The following KIR2DL3 variants were observed in gnomAD, a reference collection of about 807,000 sequenced individuals.
KIR2DL3 encodes the protein killer cell immunoglobulin like receptor, two Ig domains and long cytoplasmic tail 3.
A neutral mutation model predicts 33.8 loss-of-function variants in KIR2DL3; 39 were observed. The ratio of observed to expected loss-of-function variants is 1.15; its 90% CI spans 0.89 to 1.51. KIR2DL3 has a LOEUF of 1.51. KIR2DL3 is among the 40% of genes most tolerant of loss of function. The probability of loss-of-function intolerance (pLI) is 0.00; values close to 1 mark genes in which losing one functional copy is unlikely to be tolerated. For missense variants in KIR2DL3, 462 were observed against 426.2 expected (o/e 1.08, Z -0.74); for synonymous variants, 174 against 160.2 (o/e 1.09, Z -0.65).
chr19:54,744,865 T>C (rs1450751476), intron 4 of KIR2DL3, among the ~76,000 whole-genome samples: 16 of 119,048 alleles, frequency 1.3e-4, no homozygotes, highest in Non-Finnish European at 2.3e-4. Context: ...TGGTCATAAA[T>C]ACATTTATAT....
intron 1 of KIR2DL3, 121 bp downstream of exon 1, chr19:54,738,700 G>T (rs1431839012): frequency 2.5e-6 from 2 of 809,364 alleles, no homozygotes; most frequent in African/African-American, 4.8e-5. Flanking sequence ...GCCTAGAAGT[G>T]GAGATCTGGG....
At chr19:54,746,678 C>T (rs1183383688) in intron 4 of KIR2DL3, among the ~76,000 whole-genome samples, 21 of 148,822 alleles carry the variant, frequency 1.4e-4, no homozygotes, top group East Asian at 5.9e-4. Context: ...GTTCTTGGCA[C>T]CTTTGTCAAA....
chr19:54,752,471 C>G lies in KIR2DL3; in HGVS notation c.978C>G (p.Pro326=). The change falls in exon 8 of 8, where the codon CCC becomes CCG. Residue 326 remains proline (P), a synonymous_variant. Coordinates refer to ENST00000342376, the MANE Select transcript of KIR2DL3 (RefSeq NM_015868.3). ...GCCCTTCTCAGAGGCCCAAGACACC[C>G]CCAACAGATATCATCGTGTACACGG... ...ITRPSQRPKT[P]PTDIIVYTEL... 6.8e-7 allele frequency: 1 copy of G among 1,464,580 alleles called. No individual in the cohort carries two copies. The highest frequency in any genetic ancestry group is 1.5e-5 in the African/African-American group (1 of 64,554). 90.7% of individuals were successfully genotyped at this position (1,464,580 alleles called of 1,614,324 possible). A position where few individuals can be genotyped will look rare whatever the true frequency, so the allele number is the denominator to read the frequency against.
At position 54,745,511 on chromosome 19, in the gene KIR2DL3, C is replaced by T. The variant is rs1435117798; in HGVS notation, c.664+1423C>T. Among the ~76,000 whole-genome samples, 9 of 151,850 alleles carry T rather than the reference C, an allele frequency of 5.9e-5. No individual in the cohort carries two copies. The East Asian group carries it at 1.4e-3, about 23-fold the overall frequency. Reference sequence around the variant, plus strand: ...CCTAGTAGCTGGGATTACAGGTGCACGCCACCATGCCTGGCTACTTTTTGT... The same window carrying T: ...CCTAGTAGCTGGGATTACAGGTGCATGCCACCATGCCTGGCTACTTTTTGT... On this transcript the variant is annotated intron_variant, in intron 4 of 7. Coordinates refer to ENST00000342376, the MANE Select transcript of KIR2DL3 (RefSeq NM_015868.3).
rs762966104 is a variant in KIR2DL3 at position 54,738,536 on chromosome 19, A to G, written c.-10A>G. ...CTGGGGCGCGGCCGCCTGTCTGCAC[A>G]GACAGCACCATGTCGCTCATGGTCG... On this transcript the variant is annotated 5_prime_UTR_variant, in exon 1 of 8. Coordinates refer to ENST00000342376, the MANE Select transcript of KIR2DL3 (RefSeq NM_015868.3). 11 of 1,608,726 alleles carry G rather than the reference A, an allele frequency of 6.8e-6. No individual in the cohort carries two copies. In the East Asian group the frequency reaches 1.1e-4, roughly 16 times the overall value.
intron 4 of KIR2DL3, among the ~76,000 whole-genome samples, chr19:54,744,897 T>TATAC (rs1555906428): frequency 3.3e-4 from 19 of 57,472 alleles, no homozygotes; most frequent in East Asian, 2.1e-3. Context: ...TATATATATA[T>TATAC]ACACACACAC....
At chr19:54,744,897 TACACACACACAC>T (rs1190927916) in intron 4 of KIR2DL3, among the ~76,000 whole-genome samples, 1 of 57,490 alleles carries the variant, frequency 1.7e-5, no homozygotes, top group Non-Finnish European at 3.5e-5. Flanking sequence ...TATATATATA[TACACACACACAC>T]ACATATATAA....
intron 2 of KIR2DL3, among the ~76,000 whole-genome samples, chr19:54,741,484 C>T (rs1478837906): frequency 6.6e-6 from 1 of 151,856 alleles, no homozygotes; most frequent in Admixed American, 6.6e-5. Flanking sequence ...CAGGAGCCAG[C>T]CTATGGAAGC....
In KIR2DL3 at chr19:54,747,347, A is replaced by G. The variant is rs796832023; in HGVS notation, c.677A>G (p.Asn226Ser). Residue 226 changes from asparagine (N) to serine (S), a missense_variant, in exon 5 of 8, where the codon AAT (asparagine) becomes AGT (serine). Transcript: ENST00000342376. ...LLVSVTGNPS[N>S]SWPSPTEPSS... Reference sequence around the variant, plus strand: ...TCTCGTGTTCTAGGAAACCCTTCAAATAGTTGGCCTTCACCCACTGAACCA... The same window carrying G: ...TCTCGTGTTCTAGGAAACCCTTCAAGTAGTTGGCCTTCACCCACTGAACCA... 6.2e-6 allele frequency: 10 copies of G among 1,611,842 alleles called. No individual in the cohort carries two copies. Among genetic ancestry groups the G allele is most frequent in the Non-Finnish European group, 7.6e-6 (9 of 1,178,566 alleles).
intron 1 of KIR2DL3, among the ~76,000 whole-genome samples, chr19:54,739,304 T>C (rs575263313): frequency 6.6e-6 from 1 of 151,002 alleles, no homozygotes; most frequent in East Asian, 2.0e-4. Context: ...AGTGGAGATA[T>C]GGGCTTGGGG....
intron 4 of KIR2DL3, among the ~76,000 whole-genome samples, chr19:54,746,239 A>G (rs2072466981): frequency 7.5e-6 from 1 of 132,900 alleles, no homozygotes; most frequent in African/African-American, 2.8e-5. Flanking sequence ...TCCTTTTTCA[A>G]TTAAATCGTT....
intron 5 of KIR2DL3, among the ~76,000 whole-genome samples, chr19:54,748,276 A>C (rs2072876482): frequency 6.6e-6 from 1 of 151,702 alleles, no homozygotes; most frequent in African/African-American, 2.4e-5. Flanking sequence ...TGGGGATTCT[A>C]TTGGGTTCAC....
intron 2 of KIR2DL3, among the ~76,000 whole-genome samples, chr19:54,741,142 A>G (rs1294125490): frequency 6.6e-6 from 1 of 151,390 alleles, no homozygotes; most frequent in East Asian, 1.9e-4. Flanking sequence ...GCAACAGGAA[A>G]CCAACACTGG....
intron 5 of KIR2DL3, 146 bp downstream of exon 5, chr19:54,747,531 A>G (rs2072739294): frequency 8.9e-7 from 1 of 1,119,912 alleles, no homozygotes; most frequent in East Asian, 2.4e-5. Context: ...CAACAGCGAA[A>G]GGGATCTGGG....
At position 54,751,668 on chromosome 19, in the gene KIR2DL3, T is replaced by G; in HGVS notation, c.735T>G (p.His245Gln). The G allele has an allele frequency of 6.8e-7, 1 of 1,460,390 alleles. No individual in the cohort carries two copies. The highest frequency in any genetic ancestry group is 1.3e-5 in the South Asian group (1 of 77,736). The allele number at this position is 1,460,390 out of a possible 1,614,324, so 90.5% of individuals were successfully genotyped here. A position where few individuals can be genotyped will look rare whatever the true frequency, so the allele number is the denominator to read the frequency against. The change falls in exon 6 of 8, where the codon CAT (histidine) becomes CAG (glutamine). Residue 245 changes from histidine (H) to glutamine (Q), a missense_variant. Physicochemically the swap from His to Gln is conservative, Grantham distance 24. Coordinates refer to ENST00000342376, the MANE Select transcript of KIR2DL3 (RefSeq NM_015868.3). ...SSETGNPRHL[H>Q]VLIGTSVVII... ...TTCCAGGTAACCCCAGACACCTGCA[T>G]GTTCTGATTGGGACCTCAGTGGTCA...
chr19:54,749,277 C>T (rs1168812226), intron 5 of KIR2DL3, among the ~76,000 whole-genome samples: 1 of 149,018 alleles, frequency 6.7e-6, no homozygotes, highest in Non-Finnish European at 1.5e-5. Flanking sequence ...CCAGGAATCC[C>T]TACATGATTA....
intron 2 of KIR2DL3, among the ~76,000 whole-genome samples, 159 bp downstream of exon 2, chr19:54,739,701 C>G (rs576365666): frequency 2.0e-5 from 3 of 149,782 alleles, no homozygotes; most frequent in African/African-American, 7.5e-5. Context: ...GGCCTCTCAA[C>G]CCCTTGGCAG....
intron 2 of KIR2DL3, among the ~76,000 whole-genome samples, chr19:54,740,741 C>T (rs2070898928): frequency 6.6e-6 from 1 of 151,848 alleles, no homozygotes; most frequent in East Asian, 1.9e-4. Context: ...ATTCTAATCC[C>T]TGGAGTCTGT....
chr19:54,747,218 C>T (rs1469589114), intron 4 of KIR2DL3, 117 bp from the exon 5 acceptor site: 5 of 1,263,446 alleles, frequency 4.0e-6, no homozygotes, highest in Admixed American at 1.9e-5. Flanking sequence ...GATCCCAGGA[C>T]TCCCAGGGCC....
Sources: allele counts gnomAD v4.1 joint callset (sites outside exome capture counted in the v4.1 genomes callset), GRCh38; gene constraint gnomAD v4.1.1; transcripts MANE v1.5; gene names NCBI Gene and HGNC (gene_info 2026-07-23, HGNC 2026-07-21).